The following DYNC2H1 variants were observed in gnomAD, a reference collection of about 807,000 sequenced individuals.
DYNC2H1 encodes the protein cytoplasmic dynein 2 heavy chain 1.
In DYNC2H1, 410 loss-of-function variants were observed where a neutral mutation model predicts 570.0. The ratio of observed to expected loss-of-function variants is 0.72; its 90% CI spans 0.66 to 0.78. The LOEUF is 0.78. Among genes scored for constraint, DYNC2H1 ranks in the 30% least tolerant of loss-of-function variants. The pLI, the probability that DYNC2H1 is intolerant of heterozygous loss-of-function variation, is 0.00. For missense variants in DYNC2H1, 4,865 were observed against 5,046.4 expected (o/e 0.96, Z 1.09); for synonymous variants, 1,688 against 1,677.6 (o/e 1.01, Z -0.15).
chr11:103,423,408 TAAAAAAAAAAAAAAAAAAA>T (rs60223334), intron 84 of DYNC2H1, among the ~76,000 whole-genome samples: 1 of 120,430 alleles, frequency 8.3e-6, no homozygotes, highest in Admixed American at 8.4e-5. Flanking sequence ...GCCAAAAAAG[TAAAAAAAAAAAAAAAAAAA>T]AAAAAAAAAA....
intron 85 of DYNC2H1, among the ~76,000 whole-genome samples, chr11:103,444,472 G>A (rs1052436576): frequency 1.1e-4 from 17 of 152,046 alleles, no homozygotes; most frequent in African/African-American, 3.6e-4. Context: ...ATATATTTCC[G>A]GGATGTCAGA....
Position 103,235,633 on chromosome 11 carries a change from C to T in DYNC2H1, c.9568-39C>T, listed in dbSNP as rs778882987. 29 of 1,561,278 alleles carry T rather than the reference C, an allele frequency of 1.9e-5. No individual in the cohort carries two copies. The South Asian group carries it at 3.6e-4, about 19-fold the overall frequency. On this transcript the variant is annotated intron_variant, in intron 61 of 88. Transcript: ENST00000375735. ...TCATTTTCTTTAATGTTAGAACATA[C>T]TCATATATCTCCCTCTTTCTTCTCT... is the stretch of plus-strand genomic sequence containing the variant.
intron 83 of DYNC2H1, among the ~76,000 whole-genome samples, chr11:103,379,301 T>C (rs913386595): frequency 2.0e-5 from 3 of 152,222 alleles, no homozygotes; most frequent in Non-Finnish European, 4.4e-5. Flanking sequence ...TTCAGTATCC[T>C]TTTATTTTGT....
rs1359912103 is a variant in DYNC2H1 at position 103,395,842 on chromosome 11, A to C, written c.12157-3821A>C. Reference sequence around the variant, plus strand: ...TAAGACTTGGGAAAGGCTTCTGCCCAGACGATAGGAAATGATTATCTAAAG... The same window carrying C: ...TAAGACTTGGGAAAGGCTTCTGCCCCGACGATAGGAAATGATTATCTAAAG... On this transcript the variant is annotated intron_variant, in intron 83 of 88. Coordinates refer to ENST00000375735, the MANE Select transcript of DYNC2H1 (RefSeq NM_001377.3). The surrounding 1 kb of genome is among the most constrained non-coding windows in gnomAD (Gnocchi z 4.3). 3.3e-5 allele frequency among the ~76,000 whole-genome samples: 5 copies of C among 152,210 alleles called. No individual in the cohort carries two copies. Among genetic ancestry groups the C allele is most frequent in the Non-Finnish European group, 1.5e-5 (1 of 68,038 alleles).
At chr11:103,248,916 C>T (rs560734755) in intron 65 of DYNC2H1, among the ~76,000 whole-genome samples, 41 of 152,036 alleles carry the variant, frequency 2.7e-4, no homozygotes, top group Non-Finnish European at 5.4e-4. Flanking sequence ...ATATCCAAGC[C>T]TTATGTTGGT....
At chr11:103,408,059 A>G (rs1323455009) in intron 84 of DYNC2H1, 2 of 152,024 alleles carry the variant, frequency 1.3e-5, no homozygotes, top group Non-Finnish European at 2.9e-5. Context: ...TGATGTGGCT[A>G]GTATAAATAG....
chr11:103,286,643 A>G (rs72973686), intron 74 of DYNC2H1, among the ~76,000 whole-genome samples: 6 of 152,274 alleles, frequency 3.9e-5, no homozygotes, highest in Non-Finnish European at 8.8e-5. Flanking sequence ...GGAAAAATGT[A>G]TTTCAGAAAG....
chr11:103,149,400 T>G (rs998478851), intron 20 of DYNC2H1, among the ~76,000 whole-genome samples: 1 of 152,164 alleles, frequency 6.6e-6, no homozygotes, highest in African/African-American at 2.4e-5. Flanking sequence ...TAACATATTA[T>G]AGAGATTTTA....
At chr11:103,370,084 C>T (rs1355188023) in intron 83 of DYNC2H1, among the ~76,000 whole-genome samples, 1 of 152,210 alleles carries the variant, frequency 6.6e-6, no homozygotes, top group Non-Finnish European at 1.5e-5. Flanking sequence ...GAGGTGAGCC[C>T]ACTGCCCTGA....
intron 57 of DYNC2H1, among the ~76,000 whole-genome samples, chr11:103,221,208 G>T (rs907516777): frequency 6.6e-6 from 1 of 152,142 alleles, no homozygotes; most frequent in East Asian, 1.9e-4. Context: ...ATAAAAGGGA[G>T]CTGCAAACTA....
chr11:103,447,678 G>C (rs1944472428), intron 85 of DYNC2H1, among the ~76,000 whole-genome samples: 1 of 152,004 alleles, frequency 6.6e-6, no homozygotes, highest in South Asian at 2.1e-4. Context: ...CTATTTGAGA[G>C]GTTTATTATA....
At chr11:103,225,060 T>G (rs1222404239) in intron 59 of DYNC2H1, among the ~76,000 whole-genome samples, 1 of 152,200 alleles carries the variant, frequency 6.6e-6, no homozygotes, top group Non-Finnish European at 1.5e-5. Flanking sequence ...TTTTGAGAAT[T>G]GTCTATTCAT....
In DYNC2H1 at chr11:103,255,514, C is replaced by G. The variant is rs1275291534; in HGVS notation, c.10306C>G (p.Leu3436Val). ...EEDKKIQLAK[L>V]EESLLETLAT... Reference sequence around the variant, plus strand: ...AGATAAGAAAATACAGCTAGCCAAGCTCGAAGAATCTCTTCTAGAGGTAAA... The same window carrying G: ...AGATAAGAAAATACAGCTAGCCAAGGTCGAAGAATCTCTTCTAGAGGTAAA... Residue 3436 changes from leucine to valine, a missense_variant, in exon 67 of 89, where the codon CTC becomes GTC. Physicochemically the swap from Leu to Val is conservative, Grantham distance 32. Coordinates refer to ENST00000375735, the MANE Select transcript of DYNC2H1 (RefSeq NM_001377.3). 6.4e-7 allele frequency: 1 copy of G among 1,555,532 alleles called. No homozygotes were observed. Among genetic ancestry groups the G allele is most frequent in the Non-Finnish European group, 8.7e-7 (1 of 1,149,052 alleles).
At chr11:103,274,907 C>T (rs1865848972) in intron 70 of DYNC2H1, among the ~76,000 whole-genome samples, 1 of 151,996 alleles carries the variant, frequency 6.6e-6, no homozygotes, top group Non-Finnish European at 1.5e-5. Flanking sequence ...CCAACCTGGT[C>T]AACATGGCGA....
chr11:103,322,349 T>C (rs2135440773), intron 81 of DYNC2H1, among the ~76,000 whole-genome samples: 1 of 152,270 alleles, frequency 6.6e-6, no homozygotes, highest in South Asian at 2.1e-4. Context: ...CATACAGAAA[T>C]GTATACATCC....
chr11:103,404,949 G>A (rs1256584636), intron 84 of DYNC2H1: 2 of 151,962 alleles, frequency 1.3e-5, no homozygotes, highest in Non-Finnish European at 2.9e-5. Context: ...ATGCCCGTGT[G>A]TCTACGTCTG....
chr11:103,311,299 G>A (rs11225685), intron 78 of DYNC2H1, among the ~76,000 whole-genome samples: 26,288 of 152,036 alleles, frequency 0.17, 2,462 homozygotes, highest in Admixed American at 0.26. Flanking sequence ...AATAATGACA[G>A]ATATGATACA....
At chr11:103,440,872 G>A (rs1454077853) in intron 85 of DYNC2H1, among the ~76,000 whole-genome samples, 2 of 151,928 alleles carry the variant, frequency 1.3e-5, no homozygotes, top group African/African-American at 2.4e-5. Flanking sequence ...TTTACTATCC[G>A]TACTACCACT....
chr11:103,183,015 T>C (rs2135016121), intron 40 of DYNC2H1, among the ~76,000 whole-genome samples: 1 of 152,030 alleles, frequency 6.6e-6, no homozygotes, highest in Non-Finnish European at 1.5e-5. Context: ...AGCTGTCTCC[T>C]CCTTTGTGCT....
Sources: allele counts gnomAD v4.1 joint callset (sites outside exome capture counted in the v4.1 genomes callset), GRCh38; gene constraint gnomAD v4.1.1; non-coding constraint Gnocchi (gnomAD v3.1); transcripts MANE v1.5; gene names NCBI Gene and HGNC (gene_info 2026-07-23, HGNC 2026-07-21).